Variants in VPS13D observed in about 807,000 individuals in gnomAD.
VPS13D encodes vacuolar protein sorting 13 homolog D.
VPS13D carries 187 observed loss-of-function variants against 461.9 expected under a neutral mutation model. The ratio of observed to expected loss-of-function variants is 0.40; its 90% CI spans 0.36 to 0.46. The LOEUF is 0.46. VPS13D is among the 20% of genes least tolerant of loss of function. VPS13D has a pLI of 0.60. For missense variants in VPS13D, 4,711 were observed against 5,364.9 expected (o/e 0.88, Z 3.81); for synonymous variants, 1,951 against 1,986.3 (o/e 0.98, Z 0.47).
chr1:12,267,135 A>G lies in VPS13D; in HGVS notation c.1725+124A>G, dbSNP rs188821632. Reference sequence around the variant, plus strand: ...CTTGAGACTGATGGGCTGGGATTAGAAAAGTTTCTTGAAATTGTTAAAGAG... The same window carrying G: ...CTTGAGACTGATGGGCTGGGATTAGGAAAGTTTCTTGAAATTGTTAAAGAG... On this transcript the variant is annotated intron_variant, in intron 14 of 69. Transcript: ENST00000620676. The G allele has an allele frequency of 3.9e-5, 44 of 1,124,806 alleles. No individual in the cohort carries two copies. The Admixed American group carries it at 1.3e-3, about 33-fold the overall frequency. 69.7% of individuals were successfully genotyped at this position (1,124,806 alleles called of 1,614,324 possible).
intron 67 of VPS13D, among the ~76,000 whole-genome samples, chr1:12,477,854 C>G (rs999396738): frequency 2.0e-5 from 3 of 152,122 alleles, no homozygotes; most frequent in Non-Finnish European, 4.4e-5. Context: ...ATTCCCATCT[C>G]CTGTGGAACC....
At chr1:12,493,522 A>T (rs1386650010) in intron 67 of VPS13D, among the ~76,000 whole-genome samples, 1 of 151,286 alleles carries the variant, frequency 6.6e-6, no homozygotes, top group Non-Finnish European at 1.5e-5. Flanking sequence ...CTTTCCCTCC[A>T]GGTGCTCATA....
At chr1:12,447,300 T>C (rs1352672260) in intron 65 of VPS13D, among the ~76,000 whole-genome samples, 2 of 152,182 alleles carry the variant, frequency 1.3e-5, no homozygotes, top group Non-Finnish European at 2.9e-5. Flanking sequence ...GTATCACACA[T>C]AGATACTTAG....
At chr1:12,355,555 A>T (rs1471481307) in intron 47 of VPS13D, among the ~76,000 whole-genome samples, 2 of 152,154 alleles carry the variant, frequency 1.3e-5, no homozygotes, top group African/African-American at 4.8e-5. Flanking sequence ...ATGTACAGTT[A>T]TTATTATGTG....
Position 12,403,850 on chromosome 1 carries a change from C to T in VPS13D, c.11907C>T (p.Leu3969=). 1 of 1,600,990 alleles carries T rather than the reference C, an allele frequency of 6.2e-7. No individual in the cohort carries two copies. The highest frequency in any genetic ancestry group is 8.5e-7 in the Non-Finnish European group (1 of 1,176,410). Residue 3969 remains leucine, a synonymous_variant, in exon 63 of 70, where the codon CTC becomes CTT. Coordinates refer to ENST00000620676, the MANE Select transcript of VPS13D (RefSeq NM_015378.4). ...ESEVEKYDEN[L]HEKTAEQGGT... ...AGGTGGAAAAATATGATGAAAACCT[C>T]CATGAAAAGACAGCTGAGCAAGGTG... is the stretch of plus-strand genomic sequence containing the variant.
At chr1:12,350,177 A>ATG (rs576686392) in intron 46 of VPS13D, among the ~76,000 whole-genome samples, 8 of 152,210 alleles carry the variant, frequency 5.3e-5, no homozygotes, top group Non-Finnish European at 1.2e-4. Context: ...GATTTGAACA[A>ATG]TGTTATCAAT....
intron 54 of VPS13D, among the ~76,000 whole-genome samples, chr1:12,372,472 C>T (rs956566840): frequency 6.6e-5 from 10 of 152,054 alleles, no homozygotes; most frequent in Admixed American, 2.0e-4. Flanking sequence ...TGATGTTATG[C>T]GTCTTTTCAT....
At chr1:12,234,029 C>G (rs1188894278) in intron 1 of VPS13D, among the ~76,000 whole-genome samples, 162 bp from the exon 2 acceptor site, 1 of 152,134 alleles carries the variant, frequency 6.6e-6, no homozygotes, top group South Asian at 2.1e-4. Flanking sequence ...GCCTGGGTGA[C>G]GAGAGCGAAA....
At position 12,283,326 on chromosome 1, in the gene VPS13D, C is replaced by G. The variant is rs1408244617; in HGVS notation, c.5224C>G (p.Pro1742Ala). 1 of 1,614,120 alleles carries G rather than the reference C, an allele frequency of 6.2e-7. No individual in the cohort carries two copies. The highest frequency in any genetic ancestry group is 1.1e-5 in the South Asian group (1 of 91,076). The stretch of plus-strand genomic sequence containing the variant: ...TAATGTCTTCCAGTTGTATCAAAGG[C>G]CCACCTCTGCGTCCCGGAAAAAGCA... ...APNVFQLYQRPTSASRKKQKE... is the reference protein window; with the variant it reads ...APNVFQLYQRATSASRKKQKE... The change falls in exon 21 of 70, where the codon CCC becomes GCC. Residue 1742 changes from proline (P) to alanine (A), a missense_variant. By Grantham distance (27) the Pro-to-Ala change is conservative. Around this residue, in one of 3 missense-constraint regions of VPS13D, gnomAD observed 4,411 missense variants for 4,937.8 expected, o/e 0.89. Coordinates refer to ENST00000620676, the MANE Select transcript of VPS13D (RefSeq NM_015378.4).
At position 12,469,303 on chromosome 1, in the gene VPS13D, C is replaced by T. The variant is rs115685447; in HGVS notation, c.12662+8907C>T. Among the ~76,000 whole-genome samples, 910 of 152,226 alleles carry T rather than the reference C, an allele frequency of 6.0e-3. 12 individuals are homozygous for T. Among genetic ancestry groups the T allele is most frequent in the African/African-American group, 0.02 (824 of 41,512 alleles). On this transcript the variant is annotated intron_variant, in intron 67 of 69. Transcript: ENST00000620676. ...CTTATATATGAATTTATAGATATAA[C>T]AATTTTTATAATAGTATTCTCTAAT...
At chr1:12,452,576 G>T (rs1311121819) in intron 65 of VPS13D, among the ~76,000 whole-genome samples, 1 of 152,192 alleles carries the variant, frequency 6.6e-6, no homozygotes. Context: ...TGGGGAATGG[G>T]GTAGAATTAA....
chr1:12,485,718 T>C (rs1645789100), intron 67 of VPS13D, among the ~76,000 whole-genome samples: 1 of 152,186 alleles, frequency 6.6e-6, no homozygotes, highest in Non-Finnish European at 1.5e-5. Flanking sequence ...GTGTGGAATG[T>C]TGTTTGCTGT....
intron 10 of VPS13D, among the ~76,000 whole-genome samples, chr1:12,259,323 T>A (rs539581135): frequency 1.5e-3 from 224 of 151,688 alleles, no homozygotes; most frequent in African/African-American, 4.5e-3. Context: ...CTTTTTATTT[T>A]TTTTTTTTTT....
chr1:12,378,161 G>A (rs1486906652), intron 55 of VPS13D, among the ~76,000 whole-genome samples: 3 of 152,112 alleles, frequency 2.0e-5, no homozygotes, highest in Admixed American at 6.6e-5. Context: ...AAAAAAACTC[G>A]GTTATGAAAA....
At chr1:12,404,301 C>T (rs1166579922) in intron 63 of VPS13D, among the ~76,000 whole-genome samples, 1 of 152,094 alleles carries the variant, frequency 6.6e-6, no homozygotes, top group Non-Finnish European at 1.5e-5. Context: ...AGATAAAAGC[C>T]TTTTTCCTAA....
chr1:12,242,632 A>G, intron 3 of VPS13D, 42 bp downstream of exon 3: 1 of 1,563,062 alleles, frequency 6.4e-7, no homozygotes, highest in Admixed American at 1.7e-5. Flanking sequence ...TGAGTCTTAA[A>G]TTGTTTGAGA....
intron 60 of VPS13D, among the ~76,000 whole-genome samples, chr1:12,395,226 A>G (rs1171307026): frequency 3.9e-5 from 6 of 152,194 alleles, no homozygotes; most frequent in African/African-American, 1.4e-4. Context: ...TGATGACAGC[A>G]TGGGTTGAGG....
At chr1:12,366,798 A>G (rs537701879) in intron 52 of VPS13D, among the ~76,000 whole-genome samples, 1 of 152,362 alleles carries the variant, frequency 6.6e-6, no homozygotes, top group South Asian at 2.1e-4. Flanking sequence ...ACCAGTTTTC[A>G]GCATCTTGCT....
At chr1:12,408,521 G>C (rs1644684346) in intron 63 of VPS13D, among the ~76,000 whole-genome samples, 1 of 152,122 alleles carries the variant, frequency 6.6e-6, no homozygotes, top group Non-Finnish European at 1.5e-5. Context: ...GTGCCACCAT[G>C]CCTGGCTAAT....
Sources: allele counts gnomAD v4.1 joint callset (sites outside exome capture counted in the v4.1 genomes callset), GRCh38; gene constraint gnomAD v4.1.1; regional missense constraint gnomAD v4.1.1; transcripts MANE v1.5; gene names NCBI Gene and HGNC (gene_info 2026-07-23, HGNC 2026-07-21).